FLT3: variants seen among roughly 807,000 people sequenced by gnomAD.
The protein encoded by FLT3 is receptor-type tyrosine-protein kinase FLT3.
A neutral mutation model predicts 126.6 loss-of-function variants in FLT3; 46 were observed. The observed-to-expected ratio is 0.36, with a 90% confidence interval of 0.29 to 0.46. The LOEUF (loss-of-function observed/expected upper bound fraction) is 0.46. Among genes scored for constraint, FLT3 ranks in the 20% least tolerant of loss-of-function variants. The pLI, the probability that FLT3 is intolerant of heterozygous loss-of-function variation, is 1.00. For synonymous variants in FLT3, 404 were observed against 434.4 expected (o/e 0.93, Z 0.87); for missense variants, 1,069 against 1,190.3 (o/e 0.90, Z 1.50).
At chr13:28,013,449 G>C (rs1421899742) in intron 23 of FLT3, among the ~76,000 whole-genome samples, 1 of 152,168 alleles carries the variant, frequency 6.6e-6, no homozygotes, top group Admixed American at 6.5e-5. Flanking sequence ...CTTCCCAAAA[G>C]ATTAAGTGAC....
chr13:28,040,549 C>A (rs1289610774), intron 9 of FLT3, among the ~76,000 whole-genome samples: 4 of 152,072 alleles, frequency 2.6e-5, no homozygotes, highest in African/African-American at 7.2e-5. Context: ...AAAAAAAATC[C>A]ACAAAACGCC....
At chr13:28,050,029 G>A in intron 6 of FLT3, 66 bp downstream of exon 6, 1 of 1,548,738 alleles carries the variant, frequency 6.5e-7, no homozygotes, top group South Asian at 1.1e-5. Flanking sequence ...CGCAGTTACT[G>A]TTAGTCCCTG....
intron 20 of FLT3, among the ~76,000 whole-genome samples, chr13:28,017,918 C>T (rs1244982347): frequency 1.3e-5 from 2 of 152,140 alleles, no homozygotes; most frequent in African/African-American, 4.8e-5. Flanking sequence ...CCCTCCTCGG[C>T]CTCCCAAAGT....
chr13:28,073,998 A>C (rs1877758434), intron 1 of FLT3, among the ~76,000 whole-genome samples: 1 of 152,056 alleles, frequency 6.6e-6, no homozygotes, highest in African/African-American at 2.4e-5. Flanking sequence ...AAAGATAGTA[A>C]AGTTACCTAT....
intron 20 of FLT3, 118 bp from the exon 21 acceptor site, chr13:28,015,819 G>A (rs1871803341): frequency 3.1e-6 from 2 of 653,590 alleles, no homozygotes; most frequent in Non-Finnish European, 5.4e-6. Flanking sequence ...ATGCCTTATT[G>A]AGAAAATCAC....
chr13:28,010,446 G>A (rs548641052), intron 23 of FLT3, among the ~76,000 whole-genome samples: 37 of 152,310 alleles, frequency 2.4e-4, no homozygotes, highest in East Asian at 5.8e-4. Flanking sequence ...TCTGACTAGG[G>A]AAATTGGGGG....
At chr13:28,031,877 G>A (rs61944699) in intron 15 of FLT3, among the ~76,000 whole-genome samples, 28,082 of 152,076 alleles carry the variant, frequency 0.18, 2,838 homozygotes, top group Admixed American at 0.25. Context: ...TTAGCCTTTC[G>A]CCACTGTCAC....
At chr13:28,073,015 A>AAACAAC (rs545486980) in intron 1 of FLT3, among the ~76,000 whole-genome samples, 23,177 of 149,896 alleles carry the variant, frequency 0.15, 1,951 homozygotes, top group Middle Eastern at 0.24. Context: ...TAAAAAAAAA[A>AAACAAC]AACAACAACA....
intron 23 of FLT3, among the ~76,000 whole-genome samples, chr13:28,010,659 T>A (rs1320261937): frequency 6.6e-6 from 1 of 152,180 alleles, no homozygotes; most frequent in Non-Finnish European, 1.5e-5. Flanking sequence ...CATTTCCCAC[T>A]CTTTCTCTCT....
At position 28,014,317 on chromosome 13, in the gene FLT3, C is replaced by T. The variant is rs561518757; in HGVS notation, c.2859+135G>A. The T allele has an allele frequency of 2.5e-5, 16 of 638,934 alleles. No individual in the cohort carries two copies. In the South Asian group the frequency reaches 3.1e-4, roughly 12 times the overall value. 39.6% of individuals were successfully genotyped at this position (638,934 alleles called of 1,614,324 possible). On this transcript the variant is annotated intron_variant, in intron 23 of 23. Coordinates refer to ENST00000241453, the MANE Select transcript of FLT3 (RefSeq NM_004119.3). ...ATAAATAAAGTCTTACCCCACACAA[C>T]TTTGAAAGGGCAACCCAGAAAAACT...
At chr13:28,049,268 T>C (rs1000825479) in intron 8 of FLT3, 116 bp downstream of exon 8, 2 of 961,472 alleles carry the variant, frequency 2.1e-6, no homozygotes, top group Admixed American at 2.3e-5. Flanking sequence ...CTCAGTTTCT[T>C]TCTTAGTGTT....
intron 2 of FLT3, 64 bp from the exon 3 acceptor site, chr13:28,062,133 ACATC>A: frequency 8.1e-7 from 1 of 1,240,596 alleles, no homozygotes; most frequent in Non-Finnish European, 1.2e-6. Context: ...CCCCTTCTTC[ACATC>A]AAAACTTTAT....
At chr13:28,089,212 A>C (rs1252914204) in intron 1 of FLT3, among the ~76,000 whole-genome samples, 3 of 152,252 alleles carry the variant, frequency 2.0e-5, no homozygotes, top group Non-Finnish European at 4.4e-5. Flanking sequence ...CCACATGCTG[A>C]CGATGACCTT....
chr13:28,038,452 GTT>G (rs1268645868), intron 9 of FLT3, among the ~76,000 whole-genome samples: 1 of 144,546 alleles, frequency 6.9e-6, no homozygotes, highest in African/African-American at 2.5e-5. Flanking sequence ...CCTACTGAAA[GTT>G]TTTTTTTTTT....
chr13:28,091,082 C>A (rs1309553452), intron 1 of FLT3, among the ~76,000 whole-genome samples: 1 of 151,946 alleles, frequency 6.6e-6, no homozygotes, highest in Non-Finnish European at 1.5e-5. Flanking sequence ...CAAGACACTT[C>A]ATTTTCAAGC....
intron 20 of FLT3, among the ~76,000 whole-genome samples, chr13:28,017,346 C>G (rs943015567): frequency 6.6e-6 from 1 of 151,846 alleles, no homozygotes. Context: ...CTTCAGCCTC[C>G]CAAGTAGCTG....
rs767299779 is a variant in FLT3 at position 28,048,437 on chromosome 13, C to G, written c.1043G>C (p.Gly348Ala). The G allele has an allele frequency of 1.1e-5, 17 of 1,591,548 alleles. No homozygotes were observed. In the Admixed American group the frequency reaches 2.9e-4, roughly 27 times the overall value. The change falls in exon 9 of 24, where the codon GGA becomes GCA. Residue 348 changes from glycine to alanine, a missense_variant. Coordinates refer to ENST00000241453, the MANE Select transcript of FLT3 (RefSeq NM_004119.3). ...ACTTGAATTGGTAGCATTTATAAAT[C>G]CCTTTTCTGTAAGAAAAAATAGGCA... ...QSALVTIVEKGFINATNSSED... is the reference protein window; with the variant it reads ...QSALVTIVEKAFINATNSSED...
At chr13:28,007,339 T>C (rs145709236) in intron 23 of FLT3, among the ~76,000 whole-genome samples, 58 of 152,242 alleles carry the variant, frequency 3.8e-4, no homozygotes, top group Middle Eastern at 3.4e-3. Flanking sequence ...CTCAACCTCC[T>C]AGGCAGAAGT....
At chr13:28,050,880 C>T (rs1295132276) in intron 5 of FLT3, among the ~76,000 whole-genome samples, 1 of 151,482 alleles carries the variant, frequency 6.6e-6, no homozygotes, top group Non-Finnish European at 1.5e-5. Context: ...TTAATTAGTT[C>T]AAACTGCATG....
Sources: allele counts gnomAD v4.1 joint callset (sites outside exome capture counted in the v4.1 genomes callset), GRCh38; gene constraint gnomAD v4.1.1; transcripts MANE v1.5; gene names NCBI Gene and HGNC (gene_info 2026-07-23, HGNC 2026-07-21).